Variants in CENPW observed in about 807,000 individuals in gnomAD.
CENPW encodes cancer-up-regulated gene 2 protein.
A neutral mutation model predicts 11.1 loss-of-function variants in CENPW; 3 were observed. That is an observed-to-expected ratio of 0.27 (90% CI 0.12 to 0.70). The LOEUF is 0.70. Among genes scored for constraint, CENPW ranks in the 30% least tolerant of loss-of-function variants. The pLI is 0.77. For missense variants in CENPW, 100 were observed against 105.6 expected (o/e 0.95, Z 0.23); for synonymous variants, 38 against 42.0 (o/e 0.91, Z 0.37).
At chr6:126,444,116 T>A in the CENPW span, among the ~76,000 whole-genome samples, 3 of 150,950 alleles carry the variant, frequency 2.0e-5, no homozygotes, top group African/African-American at 7.3e-5. Flanking sequence ...AGGATCTTTT[T>A]AATTTTTTTT....
downstream of CENPW, among the ~76,000 whole-genome samples, chr6:126,350,408 C>T (rs1780477573): frequency 6.6e-6 from 1 of 152,078 alleles, no homozygotes; most frequent in African/African-American, 2.4e-5. Flanking sequence ...ATTCTGTCCT[C>T]ATACGGAGGA....
At chr6:126,480,335 G>C in the CENPW span, among the ~76,000 whole-genome samples, 1 of 151,996 alleles carries the variant, frequency 6.6e-6, no homozygotes, top group Non-Finnish European at 1.5e-5. Context: ...TGTGGTCTAT[G>C]AACATGGGAC....
At chr6:126,382,004 C>T in the CENPW span, among the ~76,000 whole-genome samples, 1 of 152,068 alleles carries the variant, frequency 6.6e-6, no homozygotes, top group African/African-American at 2.4e-5. Context: ...GAGGACAAGG[C>T]AGGTGGATCA....
chr6:126,361,853 A>C, the CENPW span, among the ~76,000 whole-genome samples: 4 of 152,276 alleles, frequency 2.6e-5, no homozygotes, highest in East Asian at 7.7e-4. Flanking sequence ...TACTGCTGTG[A>C]AAGTGGGGGC....
At chr6:126,391,533 A>G in the CENPW span, among the ~76,000 whole-genome samples, 2 of 151,812 alleles carry the variant, frequency 1.3e-5, no homozygotes, top group Admixed American at 6.6e-5. Flanking sequence ...ATATTACTCA[A>G]AAGCCTTTGC....
chr6:126,352,384 A>C (rs1780501887), downstream of CENPW, among the ~76,000 whole-genome samples: 1 of 152,126 alleles, frequency 6.6e-6, no homozygotes, highest in Non-Finnish European at 1.5e-5. Context: ...TTGATACTCT[A>C]GAGGCTTTTT....
the CENPW span, among the ~76,000 whole-genome samples, chr6:126,458,529 G>A: frequency 3.2e-4 from 49 of 151,390 alleles, no homozygotes; most frequent in Non-Finnish European, 4.9e-4. Context: ...CTACCAGCCT[G>A]TTACCATAGG....
At chr6:126,367,494 A>G in the CENPW span, among the ~76,000 whole-genome samples, 1 of 152,130 alleles carries the variant, frequency 6.6e-6, no homozygotes, top group South Asian at 2.1e-4. Flanking sequence ...AGGAGGGTTG[A>G]CAACTGGCAG....
the CENPW span, among the ~76,000 whole-genome samples, chr6:126,356,361 G>T: frequency 6.6e-6 from 1 of 152,138 alleles, no homozygotes; most frequent in Non-Finnish European, 1.5e-5. Context: ...TCAGGATAAG[G>T]TTTTTCTTTG....
chr6:126,474,592 G>A, the CENPW span, among the ~76,000 whole-genome samples: 1 of 152,080 alleles, frequency 6.6e-6, no homozygotes, highest in Non-Finnish European at 1.5e-5. Flanking sequence ...ATCTCTCCTA[G>A]GTTCTGCTTC....
the CENPW span, among the ~76,000 whole-genome samples, chr6:126,459,100 A>G: frequency 6.6e-6 from 1 of 151,372 alleles, no homozygotes; most frequent in Non-Finnish European, 1.5e-5. Flanking sequence ...TTGCTATTTA[A>G]TTATTTTGTA....
chr6:126,408,434 A>G, the CENPW span, among the ~76,000 whole-genome samples: 15 of 152,150 alleles, frequency 9.9e-5, no homozygotes, highest in African/African-American at 2.9e-4. Context: ...CTTATTCACT[A>G]TCACGAGAAC....
At chr6:126,407,681 A>T in the CENPW span, among the ~76,000 whole-genome samples, 1 of 152,132 alleles carries the variant, frequency 6.6e-6, no homozygotes, top group African/African-American at 2.4e-5. Flanking sequence ...TTCCTTAATG[A>T]TCAGTGATGT....
chr6:126,439,121 A>G, the CENPW span, among the ~76,000 whole-genome samples: 14 of 151,746 alleles, frequency 9.2e-5, no homozygotes, highest in Non-Finnish European at 1.5e-4. Flanking sequence ...ATGCCTAAGA[A>G]CAATCTGATA....
At chr6:126,435,796 C>G in the CENPW span, among the ~76,000 whole-genome samples, 3 of 151,840 alleles carry the variant, frequency 2.0e-5, no homozygotes, top group African/African-American at 7.2e-5. Context: ...CACAAGACCA[C>G]TTTGCTAATA....
At chr6:126,459,823 A>G in the CENPW span, among the ~76,000 whole-genome samples, 1 of 151,688 alleles carries the variant, frequency 6.6e-6, no homozygotes, top group East Asian at 1.9e-4. Context: ...GCTCCTCACT[A>G]ATTCTCTTGT....
chr6:126,352,800 T>C (rs1339047422), downstream of CENPW, among the ~76,000 whole-genome samples: 1 of 152,116 alleles, frequency 6.6e-6, no homozygotes, highest in Non-Finnish European at 1.5e-5. Flanking sequence ...GTTTCTATTA[T>C]ACATTTTACA....
At chr6:126,453,212 C>T in the CENPW span, among the ~76,000 whole-genome samples, 2 of 150,976 alleles carry the variant, frequency 1.3e-5, no homozygotes, top group Non-Finnish European at 3.0e-5. Context: ...TGCAGACAAC[C>T]CCTGTGATAT....
chr6:126,462,530 T>TCACA, the CENPW span, among the ~76,000 whole-genome samples: 296 of 144,012 alleles, frequency 2.1e-3, 1 homozygote, highest in African/African-American at 6.2e-3. Context: ...TCTCTCTCTC[T>TCACA]CTCACACACA....
Sources: gnomAD v4.1 joint callset for allele counts (sites outside exome capture counted in the v4.1 genomes callset) on GRCh38, gnomAD v4.1.1 for gene constraint, MANE v1.5 for transcripts, NCBI Gene and HGNC (gene_info 2026-07-23, HGNC 2026-07-21) for gene names.